RARB: variants seen among roughly 807,000 people sequenced by gnomAD.
RARB encodes the protein retinoic acid receptor beta.
RARB carries 17 observed loss-of-function variants against 51.9 expected under a neutral mutation model. The observed-to-expected ratio is 0.33, with a 90% CI of 0.22 to 0.49. The LOEUF (loss-of-function observed/expected upper bound fraction) is 0.49, where lower values mean the gene tolerates loss of function less well. Among genes scored for constraint, RARB ranks in the 20% least tolerant of loss-of-function variants. The probability of loss-of-function intolerance (pLI) is 0.99; values close to 1 mark genes in which losing one functional copy is unlikely to be tolerated. For missense variants in RARB, 369 were observed against 550.8 expected, an observed-to-expected ratio of 0.67 and a Z score of 3.30; for synonymous variants, 215 against 195.4, an observed-to-expected ratio of 1.10 and a Z score of -0.84.
chr3:25,339,280 G>A (rs745436361), intron 5 of RARB, among the ~76,000 whole-genome samples: 1 of 152,198 alleles, frequency 6.6e-6, no homozygotes, highest in Non-Finnish European at 1.5e-5. Context: ...ACATCGTGAA[G>A]TATAACAACT....
intron 2 of RARB, among the ~76,000 whole-genome samples, chr3:25,015,866 T>C (rs1242339192): frequency 6.6e-6 from 1 of 152,226 alleles, no homozygotes; most frequent in Non-Finnish European, 1.5e-5. Context: ...CAGAGTACTC[T>C]GATTCTACAT....
At chr3:25,234,174 G>A (rs1702249902) in intron 5 of RARB, among the ~76,000 whole-genome samples, 1 of 152,076 alleles carries the variant, frequency 6.6e-6, no homozygotes, top group African/African-American at 2.4e-5. Context: ...ATTTACCAGG[G>A]AAACAATCTA....
At chr3:25,455,467 A>T (rs1427433570) in intron 1 of RARB, among the ~76,000 whole-genome samples, 1 of 152,258 alleles carries the variant, frequency 6.6e-6, no homozygotes, top group Non-Finnish European at 1.5e-5. Flanking sequence ...AATGAGTCCC[A>T]TGACTAATTT....
intron 2 of RARB, among the ~76,000 whole-genome samples, chr3:25,487,708 A>G (rs1351922404): frequency 6.6e-6 from 1 of 152,188 alleles, no homozygotes; most frequent in African/African-American, 2.4e-5. Context: ...TTAATTCAGA[A>G]TCTCCTTCTG....
chr3:25,487,052 G>C (rs149293762), intron 2 of RARB, among the ~76,000 whole-genome samples: 25 of 152,252 alleles, frequency 1.6e-4, no homozygotes, highest in African/African-American at 5.5e-4. Flanking sequence ...TAGTTCCCCT[G>C]CTCAGTCACA....
intron 5 of RARB, among the ~76,000 whole-genome samples, chr3:25,346,598 T>A (rs148149290): frequency 9.2e-5 from 14 of 152,324 alleles, no homozygotes; most frequent in African/African-American, 3.1e-4. Flanking sequence ...GGACATCACT[T>A]AAACTGTGCA....
chr3:25,133,769 C>T (rs1206563038), intron 4 of RARB, among the ~76,000 whole-genome samples: 7 of 151,616 alleles, frequency 4.6e-5, no homozygotes, highest in Non-Finnish European at 8.8e-5. Flanking sequence ...TGCAGACACG[C>T]GTCCAAGACA....
At chr3:25,275,811 T>C (rs1234686390) in intron 5 of RARB, among the ~76,000 whole-genome samples, 2 of 151,934 alleles carry the variant, frequency 1.3e-5, no homozygotes, top group African/African-American at 4.8e-5. Flanking sequence ...CATTAGGAGA[T>C]ATACCTAATG....
chr3:25,219,632 C>G (rs1219265432), intron 5 of RARB, among the ~76,000 whole-genome samples: 2 of 152,194 alleles, frequency 1.3e-5, no homozygotes, highest in East Asian at 3.9e-4. Context: ...CCCCACCACT[C>G]CCCAAGCCCA....
chr3:25,158,648 A>G lies in RARB; in HGVS notation c.-279-15471A>G, dbSNP rs138902586. Among the ~76,000 whole-genome samples the G allele has an allele frequency of 7.2e-3, 1,104 of 152,360 alleles. 15 individuals are homozygous for G. Among genetic ancestry groups the G allele is most frequent in the African/African-American group, 0.022 (920 of 41,576 alleles). ...GAATCAAAAATTGAAGTACAAATATAAAGTCATGAAATTATTATCTTTATG... is the reference window on the plus strand; with the variant it reads ...GAATCAAAAATTGAAGTACAAATATGAAGTCATGAAATTATTATCTTTATG... On this transcript the variant is annotated intron_variant, in intron 4 of 11. Coordinates refer to the RARB transcript ENST00000383772.
intron 4 of RARB, among the ~76,000 whole-genome samples, chr3:25,136,291 A>G (rs1248954881): frequency 6.6e-6 from 1 of 152,032 alleles, no homozygotes; most frequent in Non-Finnish European, 1.5e-5. Flanking sequence ...ATAAAAAGCT[A>G]GGGCTAGGAC....
At chr3:25,588,364 T>A (rs1309310734) in intron 5 of RARB, among the ~76,000 whole-genome samples, 1 of 152,168 alleles carries the variant, frequency 6.6e-6, no homozygotes, top group Admixed American at 6.5e-5. Context: ...GAGGTTTGAT[T>A]AGGAGAAGTC....
At chr3:25,319,182 G>T (rs1282926881) in intron 5 of RARB, among the ~76,000 whole-genome samples, 1 of 152,110 alleles carries the variant, frequency 6.6e-6, no homozygotes, top group Non-Finnish European at 1.5e-5. Flanking sequence ...AATAGTTGGG[G>T]GACATGAGGA....
chr3:25,206,372 T>C (rs776790361), intron 5 of RARB, among the ~76,000 whole-genome samples: 1 of 152,234 alleles, frequency 6.6e-6, no homozygotes, highest in Non-Finnish European at 1.5e-5. Flanking sequence ...CCTAAATTAC[T>C]CAGGTGACAT....
intron 3 of RARB, among the ~76,000 whole-genome samples, chr3:25,529,425 A>G (rs550807359): frequency 1.3e-5 from 2 of 152,320 alleles, no homozygotes; most frequent in South Asian, 4.1e-4. Context: ...TAGGGTCAGC[A>G]ACAGAAGCAT....
chr3:25,340,930 A>G (rs1012227819), intron 5 of RARB, among the ~76,000 whole-genome samples: 4 of 152,154 alleles, frequency 2.6e-5, no homozygotes, highest in African/African-American at 9.7e-5. Context: ...ATTCTCATTA[A>G]TCATTTTATA....
chr3:24,886,557 T>G (rs79777976), intron 2 of RARB, among the ~76,000 whole-genome samples: 3,585 of 151,880 alleles, frequency 0.024, 82 homozygotes, highest in Middle Eastern at 0.065. Context: ...CCATTCTTTC[T>G]CCTCAGTCTC....
rs564938701 is a variant in RARB, at chr3:25,272,788, T to G, written c.178+98213T>G. ...CAAGTCACATAAGAGGACTGAACAG[T>G]GATACAGGAGACTCCGGTTTGATTT... On this transcript the variant is annotated intron_variant, in intron 5 of 11. Coordinates refer to the RARB transcript ENST00000383772. Among the ~76,000 whole-genome samples, 4 of 152,300 alleles carry G rather than the reference T, an allele frequency of 2.6e-5. No homozygotes were observed. The East Asian group carries it at 7.7e-4, about 29-fold the overall frequency.
At chr3:25,455,793 T>C (rs1203588565) in intron 1 of RARB, among the ~76,000 whole-genome samples, 6 of 152,124 alleles carry the variant, frequency 3.9e-5, no homozygotes. Flanking sequence ...GGTTAGCAGT[T>C]TGGATGCCAC....
Sources: allele counts gnomAD v4.1 joint callset (sites outside exome capture counted in the v4.1 genomes callset), GRCh38; gene constraint gnomAD v4.1.1; transcripts MANE v1.5; gene names NCBI Gene and HGNC (gene_info 2026-07-23, HGNC 2026-07-21).